Variants in DAB1 observed in about 807,000 individuals in gnomAD.
DAB1 encodes the protein disabled homolog 1.
In DAB1, 15 loss-of-function variants were observed where a neutral mutation model predicts 64.6. The ratio of observed to expected loss-of-function variants is 0.23; its 90% CI spans 0.16 to 0.36. The LOEUF is 0.36. DAB1 is among the 10% of genes least tolerant of loss of function. The pLI is 1.00. For synonymous variants in DAB1, 235 were observed against 251.9 expected (o/e 0.93, Z 0.64); for missense variants, 596 against 706.7 (o/e 0.84, Z 1.78).
At chr1:57,415,280 C>CACACACACACACACAT (rs1369470024) in intron 1 of DAB1, among the ~76,000 whole-genome samples, 2 of 145,382 alleles carry the variant, frequency 1.4e-5, no homozygotes, top group Admixed American at 1.4e-4. Flanking sequence ...CACACACACA[C>CACACACACACACACAT]ATATATGCAC....
In DAB1 at chr1:57,655,458, A is replaced by G. The variant is rs188805828; in HGVS notation, n.552-5793T>C. On this transcript the variant is annotated intron_variant and non_coding_transcript_variant, in intron 6 of 20. Transcript: ENST00000485760. ...ACCTTCATCATTCATACATCCACCCATCTATCCTTCCATCCACCCATACAT... is the reference window on the plus strand; with the variant it reads ...ACCTTCATCATTCATACATCCACCCGTCTATCCTTCCATCCACCCATACAT... 9.9e-5 allele frequency among the ~76,000 whole-genome samples: 15 copies of G among 152,074 alleles called. 1 individual carries two copies. The highest frequency in any genetic ancestry group is 6.5e-4 in the Admixed American group (10 of 15,272).
At chr1:57,109,139 T>A (rs1655426831) in intron 4 of DAB1, among the ~76,000 whole-genome samples, 1 of 152,192 alleles carries the variant, frequency 6.6e-6, no homozygotes, top group Non-Finnish European at 1.5e-5. Flanking sequence ...GCTCTGGCTT[T>A]CTCCCACTGC....
chr1:57,899,385 C>T (rs1396066309), intron 5 of DAB1, among the ~76,000 whole-genome samples: 3 of 152,092 alleles, frequency 2.0e-5, no homozygotes, highest in Admixed American at 2.0e-4. Context: ...TGTGGAAGCC[C>T]TCAGAAAATT....
chr1:58,545,886 G>A (rs1170080816), intron 1 of DAB1, among the ~76,000 whole-genome samples: 2 of 152,206 alleles, frequency 1.3e-5, no homozygotes, highest in Non-Finnish European at 2.9e-5. Context: ...GACGGCAGCA[G>A]ACTTGGTTCT....
intron 1 of DAB1, among the ~76,000 whole-genome samples, chr1:57,853,324 G>A (rs1653615356): frequency 6.6e-6 from 1 of 151,972 alleles, no homozygotes; most frequent in African/African-American, 2.4e-5. Context: ...ACAGGAGAAG[G>A]TAGTTAGCTA....
At chr1:57,318,067 G>A (rs1675367945) in intron 1 of DAB1, among the ~76,000 whole-genome samples, 1 of 149,414 alleles carries the variant, frequency 6.7e-6, no homozygotes, top group Non-Finnish European at 1.5e-5. Flanking sequence ...ATTTCCAAAT[G>A]GCAAGGTCAG....
At chr1:57,667,524 T>C (rs1646462449) in intron 6 of DAB1, among the ~76,000 whole-genome samples, 1 of 152,166 alleles carries the variant, frequency 6.6e-6, no homozygotes, top group Admixed American at 6.6e-5. Context: ...TTTTGTGTAC[T>C]GCCATGTCTC....
rs551382400 is a variant in DAB1, at chr1:57,556,632, G to T, written n.625+92960C>A. 1.1e-4 allele frequency among the ~76,000 whole-genome samples: 17 copies of T among 152,034 alleles called. No individual in the cohort carries two copies. The East Asian group carries it at 1.7e-3, about 16-fold the overall frequency. ...GCCCACTTTTTAATGAGATTGTTTG[G>T]TTTTTTCTTGCTGATTTGTTTGAGT... On this transcript the variant is annotated intron_variant and non_coding_transcript_variant, in intron 7 of 20. Coordinates refer to the DAB1 transcript ENST00000485760.
At chr1:57,918,587 G>T (rs1644763801) in intron 5 of DAB1, among the ~76,000 whole-genome samples, 1 of 152,192 alleles carries the variant, frequency 6.6e-6, no homozygotes, top group African/African-American at 2.4e-5. Context: ...CACTTTGGGA[G>T]GCCGGGGCGG....
chr1:57,865,349 A>G (rs997912971), intron 1 of DAB1, among the ~76,000 whole-genome samples: 1 of 152,070 alleles, frequency 6.6e-6, no homozygotes, highest in African/African-American at 2.4e-5. Flanking sequence ...GAAGACCACA[A>G]CTTTTTGGTG....
At chr1:57,294,063 G>T (rs1318483625) in intron 1 of DAB1, among the ~76,000 whole-genome samples, 1 of 152,136 alleles carries the variant, frequency 6.6e-6, no homozygotes, top group Non-Finnish European at 1.5e-5. Flanking sequence ...TTTCCAAAAG[G>T]CAGAGGTTGA....
intron 1 of DAB1, among the ~76,000 whole-genome samples, chr1:57,857,877 A>G (rs1317632829): frequency 6.6e-6 from 1 of 151,510 alleles, no homozygotes; most frequent in African/African-American, 2.4e-5. Context: ...GAAAAAAGAA[A>G]AAAAAAAGAC....
At chr1:57,895,091 AAGTAGAT>A (rs1316577964) in intron 5 of DAB1, among the ~76,000 whole-genome samples, 1 of 152,124 alleles carries the variant, frequency 6.6e-6, no homozygotes, top group African/African-American at 2.4e-5. Flanking sequence ...AAAAAAAAAA[AAGTAGAT>A]AGTGAAGGAC....
chr1:57,940,036 C>T (rs1645080195), intron 5 of DAB1, among the ~76,000 whole-genome samples: 1 of 152,192 alleles, frequency 6.6e-6, no homozygotes, highest in African/African-American at 2.4e-5. Context: ...AAGGCCAAAC[C>T]TACAGCAGTA....
intron 3 of DAB1, among the ~76,000 whole-genome samples, chr1:58,382,785 A>G (rs1375509338): frequency 2.6e-5 from 4 of 152,206 alleles, no homozygotes; most frequent in Non-Finnish European, 5.9e-5. Flanking sequence ...TGTGTATTGT[A>G]TATCAGTTGC....
At chr1:58,090,009 G>A (rs1570339028) in intron 5 of DAB1, among the ~76,000 whole-genome samples, 2 of 152,176 alleles carry the variant, frequency 1.3e-5, no homozygotes. Flanking sequence ...AAAGCAAGTC[G>A]GGGGCACAGA....
At chr1:58,426,726 T>C (rs754877586) in intron 3 of DAB1, among the ~76,000 whole-genome samples, 2 of 152,242 alleles carry the variant, frequency 1.3e-5, no homozygotes, top group African/African-American at 4.8e-5. Context: ...CACACTTGTA[T>C]TGAATGCATA....
upstream of DAB1, among the ~76,000 whole-genome samples, chr1:57,886,306 G>C (rs577746813): frequency 1.1e-4 from 16 of 152,060 alleles, no homozygotes; most frequent in African/African-American, 3.9e-4. Flanking sequence ...TTTTAGGTGC[G>C]TGCCAACACG....
chr1:57,165,316 C>A (rs913685840), intron 2 of DAB1, among the ~76,000 whole-genome samples: 9 of 151,774 alleles, frequency 5.9e-5, no homozygotes, highest in Admixed American at 2.6e-4. Context: ...CAAAAAAGTA[C>A]CTCCCTTCCA....
Sources: allele counts gnomAD v4.1 joint callset (sites outside exome capture counted in the v4.1 genomes callset), GRCh38; gene constraint gnomAD v4.1.1; transcripts MANE v1.5; gene names NCBI Gene and HGNC (gene_info 2026-07-23, HGNC 2026-07-21).